Variants in MRE11 observed in about 807,000 individuals in gnomAD.
The protein encoded by MRE11 is MRE11 double strand break repair nuclease.
MRE11 carries 62 observed loss-of-function variants against 91.7 expected under a neutral mutation model. The ratio of observed to expected loss-of-function variants is 0.68; its 90% CI spans 0.55 to 0.84. The LOEUF (loss-of-function observed/expected upper bound fraction) is 0.84, where lower values mean the gene tolerates loss of function less well. Among genes scored for constraint, MRE11 ranks in the 40% least tolerant of loss-of-function variants. MRE11 has a pLI of 0.00. For missense variants in MRE11, 796 were observed against 852.9 expected, an observed-to-expected ratio of 0.93 and a Z score of 0.83; for synonymous variants, 273 against 271.4, an observed-to-expected ratio of 1.01 and a Z score of -0.06.
intron 2 of MRE11, among the ~76,000 whole-genome samples, chr11:94,492,197 T>C (rs568382720): frequency 6.6e-6 from 1 of 152,156 alleles, no homozygotes; most frequent in Admixed American, 6.5e-5. Flanking sequence ...CAAATGATAC[T>C]CCTGCCTCAG....
chr11:94,512,317 G>A, the MRE11 span: 4 of 410,290 alleles, frequency 9.7e-6, no homozygotes, highest in Middle Eastern at 6.1e-4. Flanking sequence ...TTAATGGAAA[G>A]TCCTTTGCTT....
chr11:94,437,220 C>T lies in MRE11; in HGVS notation c.1883G>A (p.Arg628Lys), dbSNP rs587781835. 1.2e-5 allele frequency: 19 copies of T among 1,612,806 alleles called. No individual in the cohort carries two copies. The African/African-American group carries it at 1.9e-4, about 16-fold the overall frequency. ...MSIIDAFKST[R>K]QQPSRNVTTK... is the part of the protein sequence containing the mutation. Reference sequence around the variant, plus strand: ...AGTGACATTTCGGGAAGGCTGCTGTCTTGTAGATTTAAAGGCTAGAATGAA... The same window carrying T: ...AGTGACATTTCGGGAAGGCTGCTGTTTTGTAGATTTAAAGGCTAGAATGAA... Residue 628 changes from arginine to lysine, a missense_variant, in exon 17 of 20, where the codon AGA becomes AAA. Coordinates refer to ENST00000323929, the MANE Select transcript of MRE11 (RefSeq NM_005591.4).
chr11:94,421,774 T>A lies in MRE11; in HGVS notation c.2071-1593A>T, dbSNP rs13447728. Among the ~76,000 whole-genome samples the A allele has an allele frequency of 5.8e-3, 882 of 152,294 alleles. 13 individuals carry two copies. The highest frequency in any genetic ancestry group is 0.019 in the African/African-American group (801 of 41,564). On this transcript the variant is annotated intron_variant, in intron 19 of 19. Coordinates refer to ENST00000323929, the MANE Select transcript of MRE11 (RefSeq NM_005591.4). Reference sequence around the variant, plus strand: ...GCTACAACGTAGATAAACCTTCAGGTACTTACGCTATGTGAAATAAGCCAG... The same window carrying A: ...GCTACAACGTAGATAAACCTTCAGGAACTTACGCTATGTGAAATAAGCCAG...
the MRE11 span, among the ~76,000 whole-genome samples, chr11:94,503,322 A>G: frequency 6.6e-6 from 1 of 152,214 alleles, no homozygotes; most frequent in Non-Finnish European, 1.5e-5. Flanking sequence ...AACTCATGCA[A>G]TAAGGAGAGA....
At chr11:94,494,128 C>G (rs912767988), upstream of MRE11, 2 of 152,318 alleles carry the variant, frequency 1.3e-5, no homozygotes, top group African/African-American at 4.8e-5. Flanking sequence ...AGCCTGTGGA[C>G]ACAGGCCGAG....
At chr11:94,499,803 AAATTTTT>A in the MRE11 span, among the ~76,000 whole-genome samples, 3 of 152,200 alleles carry the variant, frequency 2.0e-5, no homozygotes, top group African/African-American at 7.2e-5. Context: ...TACTTCAGTT[AAATTTTT>A]AAGATGTCCA....
intron 13 of MRE11, among the ~76,000 whole-genome samples, chr11:94,457,781 G>A (rs1946291861): frequency 6.6e-6 from 1 of 151,994 alleles, no homozygotes; most frequent in Non-Finnish European, 1.5e-5. Flanking sequence ...ACTCAATGAT[G>A]GGTACACAGC....
In MRE11 at chr11:94,470,655, G is replaced by A. The variant is rs1290127805; in HGVS notation, c.846-13C>T. Reference sequence around the variant, plus strand: ...CAAACCAACATGTCTGAAGTGGAGAGAAATGAACACCGAGTCACAGTGTAA... The same window carrying A: ...CAAACCAACATGTCTGAAGTGGAGAAAAATGAACACCGAGTCACAGTGTAA... On this transcript the variant is annotated splice_polypyrimidine_tract_variant and intron_variant, in intron 8 of 19. Coordinates refer to ENST00000323929, the MANE Select transcript of MRE11 (RefSeq NM_005591.4). 6.2e-7 allele frequency: 1 copy of A among 1,612,404 alleles called. No homozygotes were observed.
At chr11:94,431,654 T>A (rs1591636001) in intron 18 of MRE11, among the ~76,000 whole-genome samples, 1 of 152,210 alleles carries the variant, frequency 6.6e-6, no homozygotes, top group Non-Finnish European at 1.5e-5. Flanking sequence ...GTAAGTTACT[T>A]AGCCACTGTG....
chr11:94,476,453 A>G, intron 6 of MRE11, 50 bp from the exon 7 acceptor site: 3 of 1,237,326 alleles, frequency 2.4e-6, no homozygotes, highest in South Asian at 2.4e-5. Flanking sequence ...CTTCGGCTTA[A>G]AAAATGAATC....
chr11:94,439,281 TA>T (rs1421850428), intron 16 of MRE11, among the ~76,000 whole-genome samples: 5 of 151,018 alleles, frequency 3.3e-5, no homozygotes, highest in East Asian at 1.9e-4. Flanking sequence ...GTCAGAGACT[TA>T]AAAAAAAACC....
chr11:94,511,116 A>T, the MRE11 span, among the ~76,000 whole-genome samples: 1 of 152,130 alleles, frequency 6.6e-6, no homozygotes, highest in South Asian at 2.1e-4. Context: ...ATAGTGCAAA[A>T]ATACAGAGAT....
rs786201817 is a variant in MRE11 at position 94,464,184 on chromosome 11, A to G, written c.1154T>C (p.Phe385Ser). Residue 385 changes from phenylalanine to serine, a missense_variant, in exon 11 of 20, where the codon TTT becomes TCT. Coordinates refer to ENST00000323929, the MANE Select transcript of MRE11 (RefSeq NM_005591.4). ...TTTTGGATTAGCTACCCGATCCACA[A>G]ATTTCTGGCTAAAGCGAAGAACACT... Reference protein sequence around the residue: ...PFSVLRFSQKFVDRVANPKDI... With the variant: ...PFSVLRFSQKSVDRVANPKDI... The G allele has an allele frequency of 3.7e-6, 6 of 1,613,866 alleles. No homozygotes were observed. The highest frequency in any genetic ancestry group is 1.3e-5 in the African/African-American group (1 of 74,912).
At chr11:94,491,463 A>C (rs1009148984) in intron 2 of MRE11, among the ~76,000 whole-genome samples, 2 of 152,228 alleles carry the variant, frequency 1.3e-5, no homozygotes, top group African/African-American at 4.8e-5. Context: ...TCATTAATAA[A>C]GTTGGCCAAC....
At position 94,484,389 on chromosome 11, in the gene MRE11, A is replaced by C. The variant is rs1270379849; in HGVS notation, c.314+1535T>G. ...GGTAAGATCCACTGATGAATCTAAA[A>C]TTAATGAACAAATTTAAGGAGGAAC... On this transcript the variant is annotated intron_variant, in intron 4 of 19. Transcript: ENST00000323929. 3.3e-5 allele frequency among the ~76,000 whole-genome samples: 5 copies of C among 152,378 alleles called. No individual in the cohort carries two copies. The East Asian group carries it at 9.6e-4, about 29-fold the overall frequency.
rs752133264 is a variant in MRE11, at chr11:94,448,299, G to C, written c.1564-861C>G. On this transcript the variant is annotated intron_variant, in intron 14 of 19. Coordinates refer to ENST00000323929, the MANE Select transcript of MRE11 (RefSeq NM_005591.4). ...TATATGGTAAAGAGAATTAAGGGCT[G>C]GGCGCAGTGGCTCACACCTGTAATC... Among the ~76,000 whole-genome samples, 4 of 151,990 alleles carry C rather than the reference G, an allele frequency of 2.6e-5. No individual in the cohort carries two copies. In the South Asian group the frequency reaches 8.3e-4, roughly 32 times the overall value.
At chr11:94,456,396 A>G in intron 13 of MRE11, 58 bp from the exon 14 acceptor site, 2 of 1,312,258 alleles carry the variant, frequency 1.5e-6, no homozygotes, top group Non-Finnish European at 2.2e-6. Flanking sequence ...TGTAAATATA[A>G]AACAAGGGGC....
At chr11:94,431,934 T>C (rs1430225776) in intron 18 of MRE11, among the ~76,000 whole-genome samples, 1 of 151,948 alleles carries the variant, frequency 6.6e-6, no homozygotes, top group East Asian at 1.9e-4. Flanking sequence ...ATATCAAAAA[T>C]ATCAGAATAG....
At position 94,478,786 on chromosome 11, in the gene MRE11, T is replaced by A. The variant is rs763298588; in HGVS notation, c.493A>T (p.Ser165Cys). The part of the protein sequence containing the change: ...RSMSVEKIDI[S>C]PVLLQKGSTK... ...CTTCCTTTTTGAAGCAAAACCGGAC[T>A]AATGTCTATCTTCTCCACAGACATT... The change falls in exon 6 of 20, where the codon AGT becomes TGT. Residue 165 changes from serine (S) to cysteine (C), a missense_variant. Ser to Cys is a moderately radical substitution (Grantham distance 112). Transcript: ENST00000323929. 4 of 1,613,582 alleles carry A rather than the reference T, an allele frequency of 2.5e-6. No individual in the cohort carries two copies. The highest frequency in any genetic ancestry group is 3.4e-6 in the Non-Finnish European group (4 of 1,179,886).
Sources: allele counts gnomAD v4.1 joint callset (sites outside exome capture counted in the v4.1 genomes callset), GRCh38; gene constraint gnomAD v4.1.1; transcripts MANE v1.5; gene names NCBI Gene and HGNC (gene_info 2026-07-23, HGNC 2026-07-21).